PCDHA9: variants seen among roughly 807,000 people sequenced by gnomAD.
PCDHA9 encodes the protein protocadherin alpha-9.
In PCDHA9, 62 loss-of-function variants were observed where a neutral mutation model predicts 62.0. The ratio of observed to expected loss-of-function variants is 1.00; its 90% CI spans 0.81 to 1.23. PCDHA9 has a LOEUF of 1.23. Ranked by LOEUF, PCDHA9 falls within the 50% of genes most tolerant of loss-of-function variation. The pLI is 0.00. For synonymous variants in PCDHA9, 557 were observed against 567.6 expected (o/e 0.98, Z 0.27); for missense variants, 1,205 against 1,249.8 (o/e 0.96, Z 0.54).
At chr5:140,897,412 C>T (rs1304528785) in intron 1 of PCDHA9, among the ~76,000 whole-genome samples, 1 of 143,354 alleles carries the variant, frequency 7.0e-6, no homozygotes, top group Non-Finnish European at 1.5e-5. Context: ...TTGTTCAATT[C>T]CCATCTATGA....
At chr5:140,935,134 T>G (rs1358918679) in intron 1 of PCDHA9, among the ~76,000 whole-genome samples, 1 of 152,210 alleles carries the variant, frequency 6.6e-6, no homozygotes. Context: ...TAGTGAAAGA[T>G]GATACTTAGA....
chr5:140,967,684 G>A (rs1404001288), intron 1 of PCDHA9: 2 of 1,614,074 alleles, frequency 1.2e-6, no homozygotes, highest in Non-Finnish European at 8.5e-7. Context: ...GGGAGAGGCA[G>A]CTCTTCAGCA....
intron 1 of PCDHA9, among the ~76,000 whole-genome samples, chr5:140,916,237 A>G (rs1004473327): frequency 6.6e-6 from 1 of 152,182 alleles, no homozygotes; most frequent in African/African-American, 2.4e-5. Context: ...CCAGGAGCCA[A>G]AGCCTGGACT....
At chr5:140,857,699 C>T (rs1554150537) in intron 1 of PCDHA9, 1 of 1,597,158 alleles carries the variant, frequency 6.3e-7, no homozygotes, top group East Asian at 2.2e-5. Flanking sequence ...CTTGACGCTG[C>T]AGGTGTTCGT....
At position 140,868,885 on chromosome 5, in the gene PCDHA9, T is replaced by C. The variant is rs559907492; in HGVS notation, c.2394+17996T>C. 56 of 733,832 alleles carry C rather than the reference T, an allele frequency of 7.6e-5. 1 individual carries two copies. The highest frequency in any genetic ancestry group is 1.1e-4 in the Non-Finnish European group (52 of 469,948). The allele number at this position is 733,832 out of a possible 1,614,324, so 45.5% of individuals were successfully genotyped here. A position where few individuals can be genotyped will look rare whatever the true frequency, so the allele number is the denominator to read the frequency against. On this transcript the variant is annotated intron_variant, in intron 1 of 3. Transcript: ENST00000532602. ...ATGCAGTGCACAGTACTCACAGTTTTAGGCGCAAGGTGTCGCTCTTTACTT... is the reference window on the plus strand; with the variant it reads ...ATGCAGTGCACAGTACTCACAGTTTCAGGCGCAAGGTGTCGCTCTTTACTT...
At chr5:140,899,405 T>G (rs1369333627) in intron 1 of PCDHA9, among the ~76,000 whole-genome samples, 3 of 152,204 alleles carry the variant, frequency 2.0e-5, no homozygotes, top group Non-Finnish European at 4.4e-5. Flanking sequence ...CATGAAGGGT[T>G]GTTGAATTTT....
intron 1 of PCDHA9, among the ~76,000 whole-genome samples, chr5:140,971,488 A>AG (rs1338536132): frequency 1.3e-5 from 2 of 152,222 alleles, no homozygotes; most frequent in African/African-American, 4.8e-5. Flanking sequence ...ACATTGTTAC[A>AG]GTGTGGCAAG....
intron 3 of PCDHA9, among the ~76,000 whole-genome samples, chr5:140,999,657 C>A (rs1257419150): frequency 6.6e-6 from 1 of 152,156 alleles, no homozygotes; most frequent in Non-Finnish European, 1.5e-5. Flanking sequence ...CTGAGCCCTG[C>A]TGGGTTGCGG....
chr5:140,876,575 T>C (rs2153342882), intron 1 of PCDHA9: 1 of 1,614,152 alleles, frequency 6.2e-7, no homozygotes, highest in South Asian at 1.1e-5. Context: ...GTGGGTACCG[T>C]CATTGCCCTG....
In PCDHA9 at chr5:140,937,572, G is replaced by C. The variant is rs113857647; in HGVS notation, c.2395-41377G>C. On this transcript the variant is annotated intron_variant, in intron 1 of 3. Transcript: ENST00000532602. ...GCAGAGGTTGCAGTGAGCTGGGATC[G>C]CGTCACTGCACTCTAGCCTGGGCAA... Among the ~76,000 whole-genome samples, 273 of 151,500 alleles carry C rather than the reference G, an allele frequency of 1.8e-3. 1 individual carries two copies. Among genetic ancestry groups the C allele is most frequent in the African/African-American group, 6.4e-3 (263 of 41,048 alleles).
chr5:140,981,252 T>C (rs1482350756), intron 2 of PCDHA9, among the ~76,000 whole-genome samples: 1 of 152,240 alleles, frequency 6.6e-6, no homozygotes, highest in African/African-American at 2.4e-5. Context: ...GAAATTTAAC[T>C]TTCAAGATAA....
chr5:140,967,044 A>G, intron 1 of PCDHA9: 3 of 1,612,116 alleles, frequency 1.9e-6, no homozygotes, highest in Non-Finnish European at 2.5e-6. Context: ...CTGGAGCTGG[A>G]CCTGACGAGT....
chr5:140,930,044 A>G (rs1416118719), intron 1 of PCDHA9: 1 of 152,194 alleles, frequency 6.6e-6, no homozygotes, highest in African/African-American at 2.4e-5. Context: ...ACTGCTTTGG[A>G]GTTTTTGCTT....
Position 140,890,802 on chromosome 5 carries a change from A to G in PCDHA9, c.2394+39913A>G, listed in dbSNP as rs1401387956. On this transcript the variant is annotated intron_variant, in intron 1 of 3. Transcript: ENST00000532602. The stretch of plus-strand genomic sequence containing the variant: ...TAAGATATTAGTATTATTTTATACA[A>G]TCAACATTGTTTTAAATGTACTTAC... 5.3e-5 allele frequency among the ~76,000 whole-genome samples: 8 copies of G among 152,310 alleles called. 1 individual carries two copies. Among genetic ancestry groups the G allele is most frequent in the Admixed American group, 4.6e-4 (7 of 15,296 alleles).
chr5:140,876,553 G>A, intron 1 of PCDHA9: 2 of 1,614,216 alleles, frequency 1.2e-6, no homozygotes, highest in African/African-American at 2.7e-5. Context: ...CCCTGTGCAA[G>A]AGGATGCTCA....
chr5:140,882,066 T>G (rs1198525083), intron 1 of PCDHA9: 1 of 845,446 alleles, frequency 1.2e-6, no homozygotes, highest in East Asian at 2.7e-5. Context: ...TACACGTTCA[T>G]GCGCATGGTG....
In PCDHA9 at chr5:140,877,360, G is replaced by A. The variant is rs199937567; in HGVS notation, c.2394+26471G>A. Reference sequence around the variant, plus strand: ...GTTCCACGTGGGGCTGTACACTGGCGAGATCAGCACGACACGCATCCTGGA... The same window carrying A: ...GTTCCACGTGGGGCTGTACACTGGCAAGATCAGCACGACACGCATCCTGGA... On this transcript the variant is annotated intron_variant, in intron 1 of 3. Coordinates refer to ENST00000532602, the MANE Select transcript of PCDHA9 (RefSeq NM_031857.2). 63 of 1,614,022 alleles carry A rather than the reference G, an allele frequency of 3.9e-5. No individual in the cohort carries two copies. The highest frequency in any genetic ancestry group is 6.7e-5 in the Admixed American group (4 of 60,028).
chr5:140,981,603 C>T (rs1213864255), intron 2 of PCDHA9, among the ~76,000 whole-genome samples: 4 of 152,052 alleles, frequency 2.6e-5, no homozygotes, highest in Non-Finnish European at 5.9e-5. Context: ...CAAAATGTTC[C>T]TCTAATTTTG....
At position 140,869,969 on chromosome 5, in the gene PCDHA9, G is replaced by A. The variant is rs147407508; in HGVS notation, c.2394+19080G>A. 57 of 1,613,134 alleles carry A rather than the reference G, an allele frequency of 3.5e-5. No individual in the cohort carries two copies. In the African/African-American group the frequency reaches 7.1e-4, roughly 20 times the overall value. On this transcript the variant is annotated intron_variant, in intron 1 of 3. Coordinates refer to ENST00000532602, the MANE Select transcript of PCDHA9 (RefSeq NM_031857.2). Reference sequence around the variant, plus strand: ...TTAATGTCAATTAAGCCCAATGGAAGACACTTATTTACACTAGATCAAAAT... The same window carrying A: ...TTAATGTCAATTAAGCCCAATGGAAAACACTTATTTACACTAGATCAAAAT...
Sources: allele counts gnomAD v4.1 joint callset (sites outside exome capture counted in the v4.1 genomes callset), GRCh38; gene constraint gnomAD v4.1.1; transcripts MANE v1.5; gene names NCBI Gene and HGNC (gene_info 2026-07-23, HGNC 2026-07-21).